The following TLE4 variants were observed in gnomAD, a reference collection of about 807,000 sequenced individuals.
The protein encoded by TLE4 is transducin-like enhancer protein 4.
A neutral mutation model predicts 92.8 loss-of-function variants in TLE4; 8 were observed. The observed-to-expected ratio is 0.09, with a 90% CI of 0.05 to 0.16. The LOEUF (loss-of-function observed/expected upper bound fraction) is 0.16. Among genes scored for constraint, TLE4 ranks in the 10% least tolerant of loss-of-function variants. The pLI is 1.00. For synonymous variants in TLE4, 371 were observed against 374.1 expected, an observed-to-expected ratio of 0.99 and a Z score of 0.10; for missense variants, 675 against 997.6, an observed-to-expected ratio of 0.68 and a Z score of 4.36.
intron 8 of TLE4, among the ~76,000 whole-genome samples, chr9:79,679,180 C>A (rs1171674865): frequency 1.3e-5 from 2 of 151,998 alleles, no homozygotes; most frequent in Non-Finnish European, 2.9e-5. Context: ...AGTTCTAGAT[C>A]CCTGAGGAAT....
chr9:79,611,069 C>T (rs2048261378), intron 4 of TLE4, among the ~76,000 whole-genome samples: 1 of 152,012 alleles, frequency 6.6e-6, no homozygotes, highest in Non-Finnish European at 1.5e-5. Context: ...AGCTTAACAA[C>T]CAAATGCATT....
chr9:79,609,615 C>T (rs951182675), intron 4 of TLE4, among the ~76,000 whole-genome samples: 1 of 152,002 alleles, frequency 6.6e-6, no homozygotes, highest in Non-Finnish European at 1.5e-5. Context: ...TCAGTATGAT[C>T]TTTTTGTTAC....
intron 8 of TLE4, among the ~76,000 whole-genome samples, chr9:79,686,952 T>C (rs917070655): frequency 6.6e-6 from 1 of 152,184 alleles, no homozygotes; most frequent in African/African-American, 2.4e-5. Context: ...GAACTGTACA[T>C]GTTAAAAGCT....
At chr9:79,595,747 G>A (rs1311386463) in intron 4 of TLE4, among the ~76,000 whole-genome samples, 2 of 152,088 alleles carry the variant, frequency 1.3e-5, no homozygotes, top group Admixed American at 1.3e-4. Context: ...GCTGTAAGAA[G>A]CACTGCAGTT....
intron 5 of TLE4, among the ~76,000 whole-genome samples, chr9:79,625,076 G>A (rs1483212783): frequency 1.6e-5 from 2 of 121,350 alleles, no homozygotes; most frequent in African/African-American, 6.1e-5. Context: ...CTGGAGTGCA[G>A]TGGCGGGATC....
chr9:79,657,868 A>G (rs2059982473), intron 8 of TLE4, among the ~76,000 whole-genome samples: 1 of 152,190 alleles, frequency 6.6e-6, no homozygotes, highest in Admixed American at 6.5e-5. Flanking sequence ...CCAAGTTGCT[A>G]TTATTGTGCA....
chr9:79,719,221 C>T (rs1565192443), intron 15 of TLE4, among the ~76,000 whole-genome samples: 1 of 152,008 alleles, frequency 6.6e-6, no homozygotes, highest in East Asian at 1.9e-4. Context: ...AAAAGGCAAA[C>T]CGCTTGTTTT....
At chr9:79,582,385 T>C (rs1358243584) in intron 4 of TLE4, among the ~76,000 whole-genome samples, 1 of 152,200 alleles carries the variant, frequency 6.6e-6, no homozygotes, top group Admixed American at 6.5e-5. Context: ...ATATATCACT[T>C]TGATCTGTGT....
chr9:79,573,490 G>A, intron 1 of TLE4, 199 bp from the exon 2 acceptor site: 1 of 940,684 alleles, frequency 1.1e-6, no homozygotes, highest in Non-Finnish European at 1.4e-6. Flanking sequence ...GGAGTATGCG[G>A]GGCCCCAGGA....
intron 14 of TLE4, among the ~76,000 whole-genome samples, chr9:79,715,850 G>A (rs2074391545): frequency 6.6e-6 from 1 of 152,002 alleles, no homozygotes; most frequent in South Asian, 2.1e-4. Context: ...TCACAAAGAA[G>A]AGCTTATCAT....
At chr9:79,696,855 G>A (rs1407343114) in intron 8 of TLE4, among the ~76,000 whole-genome samples, 2 of 152,184 alleles carry the variant, frequency 1.3e-5, no homozygotes, top group African/African-American at 4.8e-5. Flanking sequence ...ACAGAGCACA[G>A]TGCAGGGATA....
At chr9:79,707,113 G>A (rs1353003020) in intron 11 of TLE4, 19 of 1,611,552 alleles carry the variant, frequency 1.2e-5, no homozygotes, top group Non-Finnish European at 1.7e-6. Flanking sequence ...GATTCTTTTT[G>A]CAAGGATAGA....
Position 79,572,495 on chromosome 9 carries a change from T to G in TLE4, c.-296T>G, listed in dbSNP as rs1001801823. 6.5e-6 allele frequency: 1 copy of G among 153,610 alleles called. No individual in the cohort carries two copies. The highest frequency in any genetic ancestry group is 2.4e-5 in the African/African-American group (1 of 41,092). The allele number at this position is 153,610 out of a possible 1,614,324, so 9.5% of individuals were successfully genotyped here. A position where few individuals can be genotyped will look rare whatever the true frequency, so the allele number is the denominator to read the frequency against. On this transcript the variant is annotated 5_prime_UTR_variant, in exon 1 of 20. Transcript: ENST00000376552. ...CGGCCGCGGCGCCGGGCTCGGCGGG[T>G]GCGCCTCGGCGGAGCGAACGTCGGA... is the stretch of plus-strand genomic sequence containing the variant.
chr9:79,661,050 T>A (rs2060464785), intron 8 of TLE4, among the ~76,000 whole-genome samples: 1 of 152,224 alleles, frequency 6.6e-6, no homozygotes, highest in Admixed American at 6.5e-5. Flanking sequence ...TTTTCTTAAT[T>A]AGGATGCATT....
chr9:79,712,512 A>G (rs1238975257), intron 14 of TLE4, among the ~76,000 whole-genome samples: 1 of 152,212 alleles, frequency 6.6e-6, no homozygotes, highest in Admixed American at 6.5e-5. Flanking sequence ...GTCTTCCTCC[A>G]CCATACATAC....
intron 8 of TLE4, 135 bp from the exon 9 acceptor site, chr9:79,704,648 C>G: frequency 1.2e-5 from 14 of 1,185,726 alleles, no homozygotes; most frequent in Non-Finnish European, 1.5e-5. Context: ...CCTCCGCTTT[C>G]TCCTATCTCC....
At chr9:79,627,629 C>T in intron 6 of TLE4, 181 bp downstream of exon 6, 2 of 622,172 alleles carry the variant, frequency 3.2e-6, no homozygotes, top group Admixed American at 3.0e-5. Flanking sequence ...CTTTGGATCA[C>T]ATTCTCACCA....
Position 79,725,275 on chromosome 9 carries a change from C to T in TLE4, c.*131C>T. On this transcript the variant is annotated 3_prime_UTR_variant, in exon 20 of 20. Coordinates refer to ENST00000376552, the MANE Select transcript of TLE4 (RefSeq NM_007005.6). ...CTCATTGCAGTTGTGGAGTTTAATC[C>T]CCTTTCTTAACCTCACTTCCCACTT... is the stretch of plus-strand genomic sequence containing the variant. 1 of 621,922 alleles carries T rather than the reference C, an allele frequency of 1.6e-6. No homozygotes were observed. Among genetic ancestry groups the T allele is most frequent in the South Asian group, 2.0e-5 (1 of 50,834 alleles). 38.5% of individuals were successfully genotyped at this position (621,922 alleles called of 1,614,324 possible). A position where few individuals can be genotyped will look rare whatever the true frequency, so the allele number is the denominator to read the frequency against.
At chr9:79,681,090 G>A (rs968695764) in intron 8 of TLE4, among the ~76,000 whole-genome samples, 7 of 151,966 alleles carry the variant, frequency 4.6e-5, no homozygotes, top group Non-Finnish European at 8.8e-5. Flanking sequence ...AAAATTCTCT[G>A]TTTCGGTTGT....
Sources: gnomAD v4.1 joint callset for allele counts (sites outside exome capture counted in the v4.1 genomes callset) on GRCh38, gnomAD v4.1.1 for gene constraint, MANE v1.5 for transcripts, NCBI Gene and HGNC (gene_info 2026-07-23, HGNC 2026-07-21) for gene names.